The following FHIT variants were observed in gnomAD, a reference collection of about 807,000 sequenced individuals.
FHIT encodes the protein fragile histidine triad diadenosine triphosphatase.
In FHIT, 19 loss-of-function variants were observed where a neutral mutation model predicts 17.9. The ratio of observed to expected loss-of-function variants is 1.06; its 90% CI spans 0.74 to 1.56. The LOEUF (loss-of-function observed/expected upper bound fraction) is 1.56, where lower values mean the gene tolerates loss of function less well. Among genes scored for constraint, FHIT ranks in the 40% most tolerant of loss-of-function variants. FHIT has a pLI of 0.00. For missense variants in FHIT, 248 were observed against 189.2 expected, an observed-to-expected ratio of 1.31 and a Z score of -1.82; for synonymous variants, 81 against 69.7, an observed-to-expected ratio of 1.16 and a Z score of -0.81.
chr3:60,426,433 T>G (rs1222964745), intron 5 of FHIT, among the ~76,000 whole-genome samples: 1 of 152,094 alleles, frequency 6.6e-6, no homozygotes, highest in Non-Finnish European at 1.5e-5. Context: ...ACAAACATTC[T>G]TAGGTCTAGA....
chr3:61,053,089 A>G (rs2034085158), intron 2 of FHIT, among the ~76,000 whole-genome samples: 1 of 152,186 alleles, frequency 6.6e-6, no homozygotes, highest in Admixed American at 6.5e-5. Flanking sequence ...GAGGACTAGA[A>G]GCACCAGGTG....
intron 3 of FHIT, among the ~76,000 whole-genome samples, chr3:60,887,309 T>A (rs1426188462): frequency 6.6e-6 from 1 of 152,186 alleles, no homozygotes; most frequent in Admixed American, 6.5e-5. Flanking sequence ...TATATGCCTT[T>A]TCTCATTAGT....
rs140404927 is a variant in FHIT at position 61,040,931 on chromosome 3, G to A, written c.-111+1116C>T. ...AGCATGTCCATAAATCAGCAATATA[G>A]CAGAGATGGGGCTTCTTATCCTTGG... On this transcript the variant is annotated intron_variant, in intron 3 of 9. Transcript: ENST00000492590. 7.1e-3 allele frequency among the ~76,000 whole-genome samples: 1,085 copies of A among 152,246 alleles called. 9 individuals are homozygous for A. The highest frequency in any genetic ancestry group is 0.038 in the South Asian group (185 of 4,824).
intron 4 of FHIT, among the ~76,000 whole-genome samples, chr3:60,659,247 T>C (rs1553690457): frequency 6.6e-6 from 1 of 152,126 alleles, no homozygotes; most frequent in African/African-American, 2.4e-5. Context: ...TCTTGTGTCT[T>C]GGGGTGGATC....
At chr3:60,479,863 C>G (rs1458143796) in intron 5 of FHIT, among the ~76,000 whole-genome samples, 2 of 152,160 alleles carry the variant, frequency 1.3e-5, no homozygotes, top group Non-Finnish European at 2.9e-5. Flanking sequence ...CCCATGACCC[C>G]TGTCTGTTGA....
chr3:60,694,051 T>A (rs899205727), intron 4 of FHIT, among the ~76,000 whole-genome samples: 1 of 152,166 alleles, frequency 6.6e-6, no homozygotes, highest in African/African-American at 2.4e-5. Context: ...CCTTGTCAAA[T>A]AAGTATAATT....
Position 60,363,561 on chromosome 3 carries a change from T to G in FHIT, c.103+173299A>C, listed in dbSNP as rs1449442804. ...GGTGAGTAAACCTGGAGATGTGGAG[T>G]GGTTACATCATTTTTCCAAGGTTAT... On this transcript the variant is annotated intron_variant, in intron 5 of 9. Transcript: ENST00000492590. Among the ~76,000 whole-genome samples, 3 of 151,874 alleles carry G rather than the reference T, an allele frequency of 2.0e-5. No homozygotes were observed. The East Asian group carries it at 5.8e-4, about 29-fold the overall frequency.
At chr3:60,651,072 T>C (rs1406380799) in intron 4 of FHIT, among the ~76,000 whole-genome samples, 1 of 152,194 alleles carries the variant, frequency 6.6e-6, no homozygotes, top group Admixed American at 6.5e-5. Flanking sequence ...TTATTTAATG[T>C]ATGAATAATA....
At chr3:60,679,379 T>A (rs2040695221) in intron 4 of FHIT, among the ~76,000 whole-genome samples, 1 of 152,204 alleles carries the variant, frequency 6.6e-6, no homozygotes, top group Admixed American at 6.6e-5. Flanking sequence ...CAGAAAAACA[T>A]TTTTAAAAAT....
chr3:60,026,029 AG>A lies in FHIT; in HGVS notation c.104-11878del, dbSNP rs199524586. Among the ~76,000 whole-genome samples the A allele has an allele frequency of 7.1e-3, 1,079 of 152,252 alleles. 16 individuals carry two copies. Among genetic ancestry groups the A allele is most frequent in the African/African-American group, 0.025 (1,027 of 41,516 alleles). On this transcript the variant is annotated intron_variant, in intron 5 of 9. Coordinates refer to ENST00000492590, the MANE Select transcript of FHIT (RefSeq NM_002012.4). Reference sequence around the variant, plus strand: ...CTCCAAGGCCTGTAAAGGGGGGGAAAGAAAAGTTCTTTCCATCTGCTTACAC... The same window carrying A: ...CTCCAAGGCCTGTAAAGGGGGGGAAAAAAAGTTCTTTCCATCTGCTTACAC...
intron 5 of FHIT, among the ~76,000 whole-genome samples, chr3:60,400,602 T>G (rs983929935): frequency 3.3e-5 from 5 of 152,036 alleles, no homozygotes; most frequent in African/African-American, 1.2e-4. Flanking sequence ...GGTGCTGGCA[T>G]GCACACAGAA....
intron 5 of FHIT, among the ~76,000 whole-genome samples, chr3:60,389,375 G>A (rs1210665601): frequency 6.6e-6 from 1 of 152,150 alleles, no homozygotes; most frequent in East Asian, 1.9e-4. Flanking sequence ...ATAGAAGATA[G>A]AAAATGTGCA....
At chr3:60,103,203 C>T (rs1704266602) in intron 5 of FHIT, among the ~76,000 whole-genome samples, 3 of 152,132 alleles carry the variant, frequency 2.0e-5, no homozygotes, top group African/African-American at 4.8e-5. Flanking sequence ...ACTTGACAGA[C>T]TTGTTTTTAC....
In FHIT at chr3:61,137,232, C is replaced by G. The variant is rs543832892; in HGVS notation, c.-164+63385G>C. Among the ~76,000 whole-genome samples, 102 of 148,306 alleles carry G rather than the reference C, an allele frequency of 6.9e-4. 1 individual carries two copies. Among genetic ancestry groups the G allele is most frequent in the African/African-American group, 2.4e-3 (95 of 40,344 alleles). ...CTTCCCCATCACACTGAATAGTTTG[C>G]CTTTTCTAAAACGTATCATAGGTTT... is the stretch of plus-strand genomic sequence containing the variant. On this transcript the variant is annotated intron_variant, in intron 2 of 9. Transcript: ENST00000492590.
chr3:61,041,313 G>A (rs2033502129), intron 3 of FHIT, among the ~76,000 whole-genome samples: 1 of 151,912 alleles, frequency 6.6e-6, no homozygotes, highest in Admixed American at 6.6e-5. Context: ...GGAGGCAGAA[G>A]TTGCGGTGAG....
At chr3:60,103,729 A>G (rs1351080506) in intron 5 of FHIT, among the ~76,000 whole-genome samples, 1 of 152,182 alleles carries the variant, frequency 6.6e-6, no homozygotes, top group African/African-American at 2.4e-5. Flanking sequence ...GCCCTCTGCA[A>G]TTATACTTTT....
At chr3:60,114,513 T>TTTTTTTTTTTTTTTA (rs1576129505) in intron 5 of FHIT, among the ~76,000 whole-genome samples, 1 of 142,510 alleles carries the variant, frequency 7.0e-6, no homozygotes, top group Non-Finnish European at 1.5e-5. Context: ...TTTTTTTTTT[T>TTTTTTTTTTTTTTTA]GAGACAAGGT....
At chr3:59,762,821 C>A (rs941249876) in intron 8 of FHIT, among the ~76,000 whole-genome samples, 9 of 152,154 alleles carry the variant, frequency 5.9e-5, no homozygotes, top group Non-Finnish European at 1.2e-4. Context: ...ATATCTGAAC[C>A]CTTCTGGTTT....
At chr3:60,658,333 C>T (rs1391786183) in intron 4 of FHIT, among the ~76,000 whole-genome samples, 1 of 152,112 alleles carries the variant, frequency 6.6e-6, no homozygotes, top group African/African-American at 2.4e-5. Context: ...TATTGATTTT[C>T]TACACACCTT....
Sources: gnomAD v4.1 joint callset for allele counts (sites outside exome capture counted in the v4.1 genomes callset) on GRCh38, gnomAD v4.1.1 for gene constraint, MANE v1.5 for transcripts, NCBI Gene and HGNC (gene_info 2026-07-23, HGNC 2026-07-21) for gene names.